TENM2: variants seen among roughly 807,000 people sequenced by gnomAD.
The protein encoded by TENM2 is teneurin transmembrane protein 2.
In TENM2, 52 loss-of-function variants were observed where a neutral mutation model predicts 245.2. That is an observed-to-expected ratio of 0.21 (90% CI 0.17 to 0.27). TENM2 has a LOEUF of 0.27. Among genes scored for constraint, TENM2 ranks in the 10% least tolerant of loss-of-function variants. The pLI is 1.00. For synonymous variants in TENM2, 1,363 were observed against 1,438.9 expected, an observed-to-expected ratio of 0.95 and a Z score of 1.19; for missense variants, 3,046 against 3,666.8, an observed-to-expected ratio of 0.83 and a Z score of 4.37.
intron 2 of TENM2, among the ~76,000 whole-genome samples, chr5:167,804,556 T>C (rs1375125431): frequency 6.6e-6 from 1 of 152,160 alleles, no homozygotes; most frequent in Non-Finnish European, 1.5e-5. Flanking sequence ...ACGTGCATTA[T>C]CTCATTTAAG....
chr5:167,407,801 A>T (rs1762713084), intron 2 of TENM2, among the ~76,000 whole-genome samples: 1 of 152,160 alleles, frequency 6.6e-6, no homozygotes, highest in Admixed American at 6.5e-5. Context: ...TGGGCAGCAG[A>T]CTGAGACTCT....
chr5:168,161,404 G>T (rs1025786059), intron 12 of TENM2, among the ~76,000 whole-genome samples: 32 of 152,170 alleles, frequency 2.1e-4, no homozygotes, highest in African/African-American at 7.2e-4. Flanking sequence ...TTTAAATTAA[G>T]CAAGAAAACA....
At chr5:167,382,279 G>T (rs967435663) in intron 2 of TENM2, among the ~76,000 whole-genome samples, 1 of 152,152 alleles carries the variant, frequency 6.6e-6, no homozygotes, top group Non-Finnish European at 1.5e-5. Context: ...TCCAGCAAAT[G>T]GTTTATGGGG....
intron 1 of TENM2, among the ~76,000 whole-genome samples, chr5:167,360,421 A>G (rs1463302309): frequency 6.6e-6 from 1 of 152,196 alleles, no homozygotes; most frequent in Non-Finnish European, 1.5e-5. Flanking sequence ...TGGATGTACT[A>G]GTGAATAAGG....
At chr5:167,020,452 C>A in the TENM2 span, among the ~76,000 whole-genome samples, 1 of 152,196 alleles carries the variant, frequency 6.6e-6, no homozygotes, top group East Asian at 1.9e-4. Context: ...TATTCTGCAA[C>A]CATTGGGCCT....
chr5:168,060,027 A>G (rs914983113), intron 6 of TENM2, among the ~76,000 whole-genome samples: 2 of 152,140 alleles, frequency 1.3e-5, no homozygotes, highest in African/African-American at 4.8e-5. Flanking sequence ...CTCTGCTCTT[A>G]AACATGATGC....
the TENM2 span, among the ~76,000 whole-genome samples, chr5:167,196,487 T>C: frequency 6.8e-6 from 1 of 147,276 alleles, no homozygotes; most frequent in Non-Finnish European, 1.5e-5. Context: ...TATATGTGTG[T>C]ATATATATAT....
At chr5:167,857,134 A>G (rs1771163944) in intron 2 of TENM2, among the ~76,000 whole-genome samples, 1 of 152,204 alleles carries the variant, frequency 6.6e-6, no homozygotes, top group South Asian at 2.1e-4. Flanking sequence ...ACATTCTAGC[A>G]AGAATGATAC....
the TENM2 span, among the ~76,000 whole-genome samples, chr5:167,164,246 G>A: frequency 6.6e-6 from 1 of 152,224 alleles, no homozygotes; most frequent in Non-Finnish European, 1.5e-5. Context: ...CTCTGCAGTA[G>A]TAGGTGAGCT....
rs1405195072 is a variant in TENM2 at position 168,070,636 on chromosome 5, T to A, written c.1515+8371T>A. Among the ~76,000 whole-genome samples the A allele has an allele frequency of 5.3e-5, 6 of 112,750 alleles. No homozygotes were observed. In the South Asian group the frequency reaches 1.1e-3, roughly 21 times the overall value. The allele number at this position is 112,750 out of a possible 152,430, so 74.0% of individuals were successfully genotyped here. A position where few individuals can be genotyped will look rare whatever the true frequency, so the allele number is the denominator to read the frequency against. On this transcript the variant is annotated intron_variant, in intron 7 of 28. Coordinates refer to ENST00000518659, the Ensembl canonical transcript of TENM2. Reference sequence around the variant, plus strand: ...TCTCTACCAAAAAAAAAAAAAAAAATTAATTATCCATGTATGGTGGTATCT... The same window carrying A: ...TCTCTACCAAAAAAAAAAAAAAAAAATAATTATCCATGTATGGTGGTATCT...
chr5:167,285,494 C>A (rs889992758), intron 1 of TENM2, among the ~76,000 whole-genome samples: 1 of 152,106 alleles, frequency 6.6e-6, no homozygotes, highest in Admixed American at 6.6e-5. Flanking sequence ...TGTTATTTTC[C>A]AATTCCACTG....
chr5:167,563,957 T>G (rs2080974), intron 2 of TENM2, among the ~76,000 whole-genome samples: 86,659 of 151,632 alleles, frequency 0.57, 25,461 homozygotes, highest in Middle Eastern at 0.69. Flanking sequence ...CGCCTAAGGA[T>G]TCATGTCTCA....
At chr5:168,172,359 G>A (rs1025543712) in intron 13 of TENM2, among the ~76,000 whole-genome samples, 2 of 152,180 alleles carry the variant, frequency 1.3e-5, no homozygotes, top group Non-Finnish European at 2.9e-5. Flanking sequence ...AAACCCTAAG[G>A]CATTGAGCCC....
At chr5:167,973,456 A>G (rs757771830) in intron 4 of TENM2, among the ~76,000 whole-genome samples, 1 of 152,216 alleles carries the variant, frequency 6.6e-6, no homozygotes, top group Non-Finnish European at 1.5e-5. Context: ...GAAAGATCGA[A>G]AAGACATGGC....
At chr5:168,261,663 C>G (rs1195828978) in intron 28 of TENM2, among the ~76,000 whole-genome samples, 3 of 152,230 alleles carry the variant, frequency 2.0e-5, no homozygotes, top group African/African-American at 7.2e-5. Context: ...ATTCCTGGGT[C>G]TAAAGCGGGC....
intron 2 of TENM2, among the ~76,000 whole-genome samples, chr5:167,383,457 A>C (rs1030430871): frequency 1.3e-5 from 2 of 151,946 alleles, no homozygotes; most frequent in Non-Finnish European, 2.9e-5. Context: ...CCACAGAAGA[A>C]CTCTTGCCTC....
intron 2 of TENM2, among the ~76,000 whole-genome samples, chr5:167,588,100 C>T (rs175874): frequency 0.9 from 136,634 of 152,274 alleles, 61,408 homozygotes; most frequent in East Asian, 0.99. Flanking sequence ...CCAGGGCTCA[C>T]TGTTCACCTT....
At chr5:167,485,728 A>G (rs1199649198) in intron 2 of TENM2, among the ~76,000 whole-genome samples, 2 of 152,126 alleles carry the variant, frequency 1.3e-5, no homozygotes, top group East Asian at 3.9e-4. Context: ...TACCCCGACA[A>G]GTTGCAGGGG....
chr5:168,007,309 A>G (rs373213801), intron 5 of TENM2, among the ~76,000 whole-genome samples: 3 of 152,202 alleles, frequency 2.0e-5, no homozygotes, highest in Admixed American at 1.3e-4. Context: ...TTGTATTTTT[A>G]GTAGAGACGT....
Sources: gnomAD v4.1 joint callset for allele counts (sites outside exome capture counted in the v4.1 genomes callset) on GRCh38, gnomAD v4.1.1 for gene constraint, MANE v1.5 for transcripts, NCBI Gene and HGNC (gene_info 2026-07-23, HGNC 2026-07-21) for gene names.